The following PRKDC variants were observed in gnomAD, a reference collection of about 807,000 sequenced individuals.
The protein encoded by PRKDC is DNA-dependent protein kinase catalytic subunit.
In PRKDC, 82 loss-of-function variants were observed where a neutral mutation model predicts 486.9. The observed-to-expected ratio is 0.17, with a 90% CI of 0.14 to 0.20. PRKDC has a LOEUF of 0.20. Among genes scored for constraint, PRKDC ranks in the 10% least tolerant of loss-of-function variants. The pLI is 1.00. For synonymous variants in PRKDC, 1,895 were observed against 1,837.0 expected, an observed-to-expected ratio of 1.03 and a Z score of -0.81; for missense variants, 4,504 against 5,038.2, an observed-to-expected ratio of 0.89 and a Z score of 3.21.
intron 10 of PRKDC, among the ~76,000 whole-genome samples, chr8:47,941,021 T>G (rs2090434893): frequency 6.6e-6 from 1 of 151,656 alleles, no homozygotes; most frequent in Non-Finnish European, 1.5e-5. Context: ...TCCCAACTAT[T>G]TGGGAGGCTG....
intron 28 of PRKDC, among the ~76,000 whole-genome samples, chr8:47,899,395 C>T (rs553562082): frequency 6.6e-6 from 1 of 152,294 alleles, no homozygotes; most frequent in South Asian, 2.1e-4. Context: ...CCTGTAATCC[C>T]AGCATTTTGG....
intron 25 of PRKDC, among the ~76,000 whole-genome samples, chr8:47,909,523 G>T (rs2089857325): frequency 6.6e-6 from 1 of 152,142 alleles, no homozygotes; most frequent in South Asian, 2.1e-4. Flanking sequence ...CACTGAAAAA[G>T]AACAGAATAA....
chr8:47,945,989 C>T lies in PRKDC; in HGVS notation c.722-1960G>A, dbSNP rs527611303. On this transcript the variant is annotated intron_variant, in intron 7 of 85. Transcript: ENST00000314191. ...CACCTGCCTCAGCCTCCCAAAGTGCCGGGATTACAGGTGTGAGCCACCACG... is the reference window on the plus strand; with the variant it reads ...CACCTGCCTCAGCCTCCCAAAGTGCTGGGATTACAGGTGTGAGCCACCACG... 2.1e-4 allele frequency among the ~76,000 whole-genome samples: 32 copies of T among 151,242 alleles called. No individual in the cohort carries two copies. The East Asian group carries it at 5.2e-3, about 25-fold the overall frequency.
At position 47,834,969 on chromosome 8, in the gene PRKDC, C is replaced by T. The variant is rs371962214; in HGVS notation, c.7952-573G>A. On this transcript the variant is annotated intron_variant, in intron 58 of 85. Coordinates refer to ENST00000314191, the MANE Select transcript of PRKDC (RefSeq NM_006904.7). ...CCGCCCAAAGTGCTGGGATTACAGG[C>T]GTGAGCCACAGCGCCCGGCCCCCTG... Among the ~76,000 whole-genome samples, 585 of 152,274 alleles carry T rather than the reference C, an allele frequency of 3.8e-3. 4 individuals are homozygous for T. The highest frequency in any genetic ancestry group is 0.025 in the South Asian group (121 of 4,832).
At chr8:47,833,996 C>T (rs151149277) in intron 59 of PRKDC, among the ~76,000 whole-genome samples, 200 bp downstream of exon 59, 41 of 152,352 alleles carry the variant, frequency 2.7e-4, no homozygotes, top group African/African-American at 8.7e-4. Flanking sequence ...TCGAGTATAA[C>T]TTACTGAAGG....
chr8:47,835,858 G>A (rs1441230930), intron 58 of PRKDC, among the ~76,000 whole-genome samples: 1 of 151,762 alleles, frequency 6.6e-6, no homozygotes, highest in African/African-American at 2.4e-5. Flanking sequence ...GAACTTCTGG[G>A]CTCGAGCCAT....
intron 25 of PRKDC, among the ~76,000 whole-genome samples, chr8:47,910,657 T>G (rs2089883525): frequency 6.6e-6 from 1 of 152,222 alleles, no homozygotes; most frequent in Non-Finnish European, 1.5e-5. Context: ...GATTATTCTT[T>G]TAAGTTCAAA....
intron 47 of PRKDC, 50 bp from the exon 48 acceptor site, chr8:47,858,685 T>C: frequency 2.1e-6 from 3 of 1,443,474 alleles, no homozygotes; most frequent in Non-Finnish European, 2.8e-6. Flanking sequence ...AAAATAATGA[T>C]ACATTTTGAT....
chr8:47,887,626 T>G lies in PRKDC; in HGVS notation c.4493A>C (p.Gln1498Pro). 1 of 1,601,048 alleles carries G rather than the reference T, an allele frequency of 6.2e-7. No homozygotes were observed. Among genetic ancestry groups the G allele is most frequent in the Non-Finnish European group, 8.5e-7 (1 of 1,173,224 alleles). The change falls in exon 35 of 86, where the codon CAG (glutamine) becomes CCG (proline). Residue 1498 changes from glutamine (Q) to proline (P), a missense_variant. By Grantham distance (76) the Gln-to-Pro change is moderately conservative. Transcript: ENST00000314191. ...ACTGAGGTCTAGAGAAGGCAGACAC[T>G]GTCTCTCATCTCCAGGGGCAATGCC... ...YKGIAPGDER[Q>P]CLPSLDLSCK...
chr8:47,831,216 G>A (rs2087863365), intron 60 of PRKDC, among the ~76,000 whole-genome samples: 1 of 152,208 alleles, frequency 6.6e-6, no homozygotes, highest in South Asian at 2.1e-4. Flanking sequence ...TGGGCGGCAG[G>A]GCTTGGGGAG....
At position 47,799,251 on chromosome 8, in the gene PRKDC, A is replaced by C; in HGVS notation, c.10256T>G (p.Phe3419Cys). The C allele has an allele frequency of 6.2e-7, 1 of 1,613,938 alleles. No homozygotes were observed. Residue 3419 changes from phenylalanine (F) to cysteine (C), a missense_variant, in exon 72 of 86, where the codon TTC becomes TGC. Phe to Cys is a radical substitution (Grantham distance 205, BLOSUM62 -2). This residue lies in a region of PRKDC where 706 missense variants were observed against 945.0 expected (regional missense o/e 0.75). Coordinates refer to ENST00000314191, the MANE Select transcript of PRKDC (RefSeq NM_006904.7). ...CTCCTTGCGCAGCTGTTGGTCACAG[A>C]AATCTGCCAGCGTCATGTAAGCATC... is the stretch of plus-strand genomic sequence containing the variant. ...VIDAYMTLAD[F>C]CDQQLRKEEE...
intron 7 of PRKDC, 22 bp from the exon 8 acceptor site, chr8:47,944,051 T>C: frequency 6.5e-7 from 1 of 1,542,958 alleles, no homozygotes; most frequent in African/African-American, 1.4e-5. Flanking sequence ...CCAAGAAGCC[T>C]GTTACAAATC....
chr8:47,845,375 T>C (rs1488648499), intron 54 of PRKDC, among the ~76,000 whole-genome samples: 2 of 152,074 alleles, frequency 1.3e-5, no homozygotes, highest in Non-Finnish European at 2.9e-5. Context: ...ATAAACGAGA[T>C]AGACCACAAG....
intron 68 of PRKDC, among the ~76,000 whole-genome samples, chr8:47,816,820 TAAA>T (rs78066737): frequency 7.1e-6 from 1 of 140,218 alleles, no homozygotes; most frequent in South Asian, 2.2e-4. Flanking sequence ...ATAAAAAGTT[TAAA>T]AAAAAAAAAA....
chr8:47,777,015 A>C, intron 84 of PRKDC, 32 bp from the exon 85 acceptor site: 15 of 1,600,322 alleles, frequency 9.4e-6, no homozygotes, highest in Non-Finnish European at 1.2e-5. Context: ...TTCCCGGCTG[A>C]TCATAATGGT....
chr8:47,782,700 T>G lies in PRKDC; in HGVS notation c.11176-102A>C. 1 of 1,308,996 alleles carries G rather than the reference T, an allele frequency of 7.6e-7. No homozygotes were observed. Among genetic ancestry groups the G allele is most frequent in the Non-Finnish European group, 1.0e-6 (1 of 956,438 alleles). 81.1% of individuals were successfully genotyped at this position (1,308,996 alleles called of 1,614,324 possible). On this transcript the variant is annotated intron_variant, in intron 78 of 85. Transcript: ENST00000314191. The surrounding 1 kb of genome is among the most constrained non-coding windows in gnomAD (Gnocchi z 4.9). ...TGAGCATTCCTCCGTGGGGCCGCCC[T>G]CTGAAGACAGTGCCAAAGAGCAGAG... is the stretch of plus-strand genomic sequence containing the variant.
chr8:47,820,199 C>T (rs1054528930), intron 66 of PRKDC, among the ~76,000 whole-genome samples: 21 of 151,948 alleles, frequency 1.4e-4, no homozygotes, highest in African/African-American at 4.8e-5. Context: ...AATCACCTGA[C>T]GTCAGGAGTT....
At chr8:47,828,867 T>A (rs374366897) in intron 61 of PRKDC, among the ~76,000 whole-genome samples, 105 of 152,318 alleles carry the variant, frequency 6.9e-4, no homozygotes, top group African/African-American at 2.5e-3. Flanking sequence ...ACCTGACCAC[T>A]TTAAACTATT....
chr8:47,935,743 A>G lies in PRKDC; in HGVS notation c.1436T>C (p.Ile479Thr). 1 of 1,613,834 alleles carries G rather than the reference A, an allele frequency of 6.2e-7. No individual in the cohort carries two copies. Among genetic ancestry groups the G allele is most frequent in the Non-Finnish European group, 8.5e-7 (1 of 1,179,826 alleles). ...AATTGCAAACTTACCCACAGTACTA[A>G]TGCAATTCCTGAGAACTGGCCCTTT... is the stretch of plus-strand genomic sequence containing the variant. ...AAKGPVLRNC[I>T]STVVHQGLIR... is the part of the protein sequence containing the mutation. Residue 479 changes from isoleucine to threonine, a missense_variant, in exon 13 of 86, where the codon ATT (isoleucine) becomes ACT (threonine). Physicochemically the swap from Ile to Thr is moderately conservative, Grantham distance 89. Coordinates refer to ENST00000314191, the MANE Select transcript of PRKDC (RefSeq NM_006904.7).
Sources: allele counts gnomAD v4.1 joint callset (sites outside exome capture counted in the v4.1 genomes callset), GRCh38; gene constraint gnomAD v4.1.1; regional missense constraint gnomAD v4.1.1; non-coding constraint Gnocchi (gnomAD v3.1); transcripts MANE v1.5; gene names NCBI Gene and HGNC (gene_info 2026-07-23, HGNC 2026-07-21).